The following GRM5 variants were observed in gnomAD, a reference collection of about 807,000 sequenced individuals.
GRM5 encodes the protein metabotropic glutamate receptor 5.
In GRM5, 19 loss-of-function variants were observed where a neutral mutation model predicts 83.1. The observed-to-expected ratio is 0.23, with a 90% CI of 0.16 to 0.34. The LOEUF is 0.34. Among genes scored for constraint, GRM5 ranks in the 10% least tolerant of loss-of-function variants. The pLI is 1.00. For missense variants in GRM5, 1,160 were observed against 1,588.3 expected (o/e 0.73, Z 4.58); for synonymous variants, 675 against 633.6 (o/e 1.07, Z -0.98).
chr11:88,607,446 TC>T (rs1938187338), intron 4 of GRM5, among the ~76,000 whole-genome samples: 1 of 152,172 alleles, frequency 6.6e-6, no homozygotes, highest in Non-Finnish European at 1.5e-5. Flanking sequence ...ACAGCAATAG[TC>T]TTCTAACTGG....
intron 8 of GRM5, among the ~76,000 whole-genome samples, chr11:88,563,779 A>G (rs2135165837): frequency 6.6e-6 from 1 of 152,350 alleles, no homozygotes; most frequent in Middle Eastern, 3.4e-3. Context: ...TTTGTTTCCC[A>G]TTAGTTAAGC....
rs201911149 is a variant in GRM5 at position 89,047,927 on chromosome 11, G to T, written c.-55C>A. Reference sequence around the variant, plus strand: ...TAGCATGGTGGGGAAAATTCAGGAGGGTTCTGATAGCTACGAACAAGCGAT... The same window carrying T: ...TAGCATGGTGGGGAAAATTCAGGAGTGTTCTGATAGCTACGAACAAGCGAT... On this transcript the variant is annotated 5_prime_UTR_variant, in exon 2 of 10. Coordinates refer to ENST00000305447, the MANE Select transcript of GRM5 (RefSeq NM_001143831.3). This position sits in a 1 kb window ranked among gnomAD's most constrained non-coding sequence, Gnocchi z 5.1. 4 of 1,351,676 alleles carry T rather than the reference G, an allele frequency of 3.0e-6. No individual in the cohort carries two copies. The South Asian group carries it at 3.7e-5, about 13-fold the overall frequency. The allele number at this position is 1,351,676 out of a possible 1,614,324, so 83.7% of individuals were successfully genotyped here. A position where few individuals can be genotyped will look rare whatever the true frequency, so the allele number is the denominator to read the frequency against.
At chr11:88,840,657 C>T (rs10765802) in intron 3 of GRM5, among the ~76,000 whole-genome samples, 2,623 of 152,290 alleles carry the variant, frequency 0.017, 45 homozygotes, top group East Asian at 0.068. Flanking sequence ...TATAATTTTT[C>T]CAGACTTTCA....
rs1177099641 is a variant in GRM5 at position 88,926,995 on chromosome 11, A to C, written c.662-76840T>G. ...CTATTTACATGTTTGAACTATTCAC[A>C]GGAAAATGCTATGACCAATTTCTTT... On this transcript the variant is annotated intron_variant, in intron 2 of 9. Coordinates refer to ENST00000305447, the MANE Select transcript of GRM5 (RefSeq NM_001143831.3). 2.2e-4 allele frequency among the ~76,000 whole-genome samples: 33 copies of C among 152,212 alleles called. 1 individual carries two copies. Among genetic ancestry groups the C allele is most frequent in the Non-Finnish European group, 7.3e-5 (5 of 68,036 alleles).
intron 2 of GRM5, among the ~76,000 whole-genome samples, chr11:88,962,479 C>T (rs535609824): frequency 3.9e-5 from 6 of 152,264 alleles, no homozygotes; most frequent in African/African-American, 1.4e-4. Context: ...TATTCCCTAA[C>T]ATATCTGTAT....
At chr11:89,064,094 T>A (rs1942052811) in intron 1 of GRM5, among the ~76,000 whole-genome samples, 1 of 152,124 alleles carries the variant, frequency 6.6e-6, no homozygotes, top group African/African-American at 2.4e-5. Context: ...ATCCATTATC[T>A]TCTTCTTCCT....
chr11:88,811,822 A>C, intron 3 of GRM5, among the ~76,000 whole-genome samples: 1 of 152,064 alleles, frequency 6.6e-6, no homozygotes, highest in Non-Finnish European at 1.5e-5. Context: ...GATCCAATGC[A>C]TATCCTCTTC....
intron 3 of GRM5, among the ~76,000 whole-genome samples, chr11:88,753,351 C>G (rs1942324814): frequency 6.7e-6 from 1 of 150,018 alleles, no homozygotes; most frequent in Admixed American, 6.6e-5. Flanking sequence ...ATGAAAAAAG[C>G]TCAGTATTAC....
intron 3 of GRM5, among the ~76,000 whole-genome samples, chr11:88,676,270 A>G (rs1004835011): frequency 6.6e-6 from 1 of 152,004 alleles, no homozygotes; most frequent in Non-Finnish European, 1.5e-5. Context: ...GTGAGTTGTA[A>G]AGTTCTTCAA....
At chr11:88,885,384 G>A (rs1049876572) in intron 2 of GRM5, among the ~76,000 whole-genome samples, 40 of 140,482 alleles carry the variant, frequency 2.8e-4, no homozygotes, top group African/African-American at 1.1e-3. Flanking sequence ...AAAATCCATT[G>A]AGAACTTTGA....
intron 1 of GRM5, among the ~76,000 whole-genome samples, chr11:89,054,069 G>GA (rs2135161326): frequency 6.6e-6 from 1 of 152,292 alleles, no homozygotes; most frequent in South Asian, 2.1e-4. Context: ...GATTCCAACA[G>GA]CGGAGGAACA....
chr11:88,798,805 C>CAAAAAAAAAAAAAAAAAA (rs4002396), intron 3 of GRM5, among the ~76,000 whole-genome samples: 22 of 55,368 alleles, frequency 4.0e-4, no homozygotes, highest in South Asian at 1.5e-3. Flanking sequence ...ATGAAAACAC[C>CAAAAAAAAAAAAAAAAAA]AAAAAAAAAA....
Position 88,763,783 on chromosome 11 carries a change from T to C in GRM5, c.911+86123A>G, listed in dbSNP as rs186847757. Among the ~76,000 whole-genome samples, 4 of 151,624 alleles carry C rather than the reference T, an allele frequency of 2.6e-5. No homozygotes were observed. The East Asian group carries it at 7.8e-4, about 29-fold the overall frequency. On this transcript the variant is annotated intron_variant, in intron 3 of 9. Coordinates refer to ENST00000305447, the MANE Select transcript of GRM5 (RefSeq NM_001143831.3). ...TCTACAAAAATAAAATTTGTCACGA[T>C]AAAAAATCAGATAAACCCAAAGGAA...
chr11:88,594,698 C>T (rs1179938149), intron 6 of GRM5, among the ~76,000 whole-genome samples: 1 of 152,148 alleles, frequency 6.6e-6, no homozygotes, highest in African/African-American at 2.4e-5. Flanking sequence ...TCCAAATCTT[C>T]AGACCTACCC....
At chr11:88,589,677 G>A (rs1278557695) in intron 7 of GRM5, among the ~76,000 whole-genome samples, 2 of 152,108 alleles carry the variant, frequency 1.3e-5, no homozygotes, top group African/African-American at 4.8e-5. Context: ...CCACATGGAG[G>A]GCTCTCTGCC....
intron 2 of GRM5, among the ~76,000 whole-genome samples, chr11:89,028,954 C>T (rs375139100): frequency 3.7e-4 from 56 of 151,954 alleles, no homozygotes; most frequent in African/African-American, 9.9e-4. Context: ...CACCCCCCTA[C>T]GTACCCTCCC....
At chr11:88,937,033 T>C (rs942903522) in intron 2 of GRM5, among the ~76,000 whole-genome samples, 3 of 151,694 alleles carry the variant, frequency 2.0e-5, no homozygotes, top group African/African-American at 4.8e-5. Flanking sequence ...TAATTTACAA[T>C]TTATTATAGA....
In GRM5 at chr11:88,578,124, T is replaced by C. The variant is rs74351588; in HGVS notation, c.1691-10132A>G. ...CTCTCTAGCTTGTTTAGGTATGTGTTGCCCCAAGTAAATGGTATTATGTTG... is the reference window on the plus strand; with the variant it reads ...CTCTCTAGCTTGTTTAGGTATGTGTCGCCCCAAGTAAATGGTATTATGTTG... On this transcript the variant is annotated intron_variant, in intron 7 of 9. Transcript: ENST00000305447. 7.2e-3 allele frequency among the ~76,000 whole-genome samples: 1,096 copies of C among 152,236 alleles called. 19 individuals are homozygous for C. The highest frequency in any genetic ancestry group is 0.025 in the African/African-American group (1,041 of 41,556).
At chr11:88,914,142 T>A (rs143328073) in intron 2 of GRM5, among the ~76,000 whole-genome samples, 107 of 152,330 alleles carry the variant, frequency 7.0e-4, no homozygotes, top group Middle Eastern at 3.4e-3. Context: ...GACATTTCTC[T>A]AGAAGGATGA....
Sources: allele counts gnomAD v4.1 joint callset (sites outside exome capture counted in the v4.1 genomes callset), GRCh38; gene constraint gnomAD v4.1.1; non-coding constraint Gnocchi (gnomAD v3.1); transcripts MANE v1.5; gene names NCBI Gene and HGNC (gene_info 2026-07-23, HGNC 2026-07-21).